Variants in ELP2 observed in about 807,000 individuals in gnomAD.
ELP2 encodes elongator acetyltransferase complex subunit 2.
In ELP2, 90 loss-of-function variants were observed where a neutral mutation model predicts 119.2. That is an observed-to-expected ratio of 0.75 (90% CI 0.64 to 0.90). ELP2 has a LOEUF of 0.90. Ranked by LOEUF, ELP2 falls within the 40% of genes least tolerant of loss-of-function variation. The probability of loss-of-function intolerance (pLI) is 0.00; values close to 1 mark genes in which losing one functional copy is unlikely to be tolerated. For synonymous variants in ELP2, 339 were observed against 331.0 expected (o/e 1.02, Z -0.26); for missense variants, 921 against 967.8 (o/e 0.95, Z 0.64).
intron 16 of ELP2, among the ~76,000 whole-genome samples, chr18:36,160,501 C>T (rs1446491972): frequency 2.0e-5 from 3 of 151,302 alleles, no homozygotes; most frequent in Admixed American, 1.3e-4. Context: ...TTGCTTCTGC[C>T]CAGGAATTGG....
chr18:36,129,955 A>T lies in ELP2; in HGVS notation c.22A>T (p.Thr8Ser). The stretch of plus-strand genomic sequence containing the variant: ...CGACATGGTGGCACCCGTGCTGGAG[A>T]CTTCTCACGTGTTTTGCTGCCCAAA... MVAPVLETSHVFCCPNRV... is the reference protein window; with the variant it reads MVAPVLESSHVFCCPNRV... Residue 8 changes from threonine to serine, a missense_variant, in exon 1 of 22, where the codon ACT becomes TCT. Coordinates refer to ENST00000358232, the MANE Select transcript of ELP2 (RefSeq NM_018255.4). 1 of 1,614,026 alleles carries T rather than the reference A, an allele frequency of 6.2e-7. No individual in the cohort carries two copies. The highest frequency in any genetic ancestry group is 8.5e-7 in the Non-Finnish European group (1 of 1,179,986).
chr18:36,130,523 C>T (rs537501140), intron 1 of ELP2, among the ~76,000 whole-genome samples: 8 of 152,180 alleles, frequency 5.3e-5, no homozygotes, highest in Non-Finnish European at 8.8e-5. Context: ...GAAATGTTAC[C>T]TGTGTTTTAG....
At chr18:36,155,048 C>T (rs1443682383) in intron 12 of ELP2, 49 bp downstream of exon 12, 2 of 1,513,442 alleles carry the variant, frequency 1.3e-6, no homozygotes, top group Non-Finnish European at 1.8e-6. Flanking sequence ...CAGAGTTTCA[C>T]ATCACCCAGG....
intron 10 of ELP2, 52 bp from the exon 11 acceptor site, chr18:36,146,198 T>G (rs2090193673): frequency 6.2e-7 from 1 of 1,611,376 alleles, no homozygotes; most frequent in South Asian, 1.1e-5. Context: ...ATTTCTGTTG[T>G]GAGAAACATA....
At chr18:36,138,163 G>C in intron 3 of ELP2, 107 bp from the exon 4 acceptor site, 1 of 1,124,538 alleles carries the variant, frequency 8.9e-7, no homozygotes. Flanking sequence ...TTTCAACTTA[G>C]AGGACCTATT....
At chr18:36,141,250 ATC>A (rs2090017453) in intron 6 of ELP2, 49 bp downstream of exon 6, 1 of 1,375,760 alleles carries the variant, frequency 7.3e-7, no homozygotes, top group East Asian at 2.3e-5. Context: ...GCTTAGTTAT[ATC>A]TCAATACAGA....
rs2091102052 is a variant in ELP2, at chr18:36,172,217, T to G, written c.2324+1057T>G. On this transcript the variant is annotated intron_variant, in intron 21 of 21. Coordinates refer to ENST00000358232, the MANE Select transcript of ELP2 (RefSeq NM_018255.4). The stretch of plus-strand genomic sequence containing the variant: ...AGGAGGTTGAGGCTGCAGCAAGCCA[T>G]AATCACACCATTGCACTCCAGCCTG... Among the ~76,000 whole-genome samples, 3 of 152,096 alleles carry G rather than the reference T, an allele frequency of 2.0e-5. No individual in the cohort carries two copies. In the South Asian group the frequency reaches 6.2e-4, roughly 32 times the overall value.
In ELP2 at chr18:36,160,887, A is replaced by C. The variant is rs374909261; in HGVS notation, c.1689-45A>C. 6 of 1,291,382 alleles carry C rather than the reference A, an allele frequency of 4.6e-6. No individual in the cohort carries two copies. The African/African-American group carries it at 7.3e-5, about 16-fold the overall frequency. The allele number at this position is 1,291,382 out of a possible 1,614,324, so 80.0% of individuals were successfully genotyped here. A position where few individuals can be genotyped will look rare whatever the true frequency, so the allele number is the denominator to read the frequency against. On this transcript the variant is annotated intron_variant, in intron 16 of 21. Coordinates refer to ENST00000358232, the MANE Select transcript of ELP2 (RefSeq NM_018255.4). ...CTTTCAAAAATTGTGTGGCATGAGA[A>C]TAGATTCATTTGCTAATAGTACTTT...
chr18:36,155,405 T>C (rs1226087563), intron 12 of ELP2, among the ~76,000 whole-genome samples: 2 of 151,884 alleles, frequency 1.3e-5, no homozygotes, highest in Non-Finnish European at 2.9e-5. Flanking sequence ...ATTAGGAAAA[T>C]GCAAATTAGA....
Position 36,167,103 on chromosome 18 carries a change from C to T in ELP2, c.1957C>T (p.Pro653Ser), listed in dbSNP as rs2090930844. 6.3e-7 allele frequency: 1 copy of T among 1,596,040 alleles called. No homozygotes were observed. Among genetic ancestry groups the T allele is most frequent in the African/African-American group, 1.3e-5 (1 of 74,392 alleles). ...KQDTISPEFEPVFSLFAFTNK... is the reference protein window; with the variant it reads ...KQDTISPEFESVFSLFAFTNK... ...TAGTGTATACATATTTCTTTCAGAG[C>T]CAGTTTTTAGTCTTTTTGCCTTCAC... Residue 653 changes from proline to serine, a missense_variant and splice_region_variant, in exon 19 of 22, where the codon CCA becomes TCA. Transcript: ENST00000358232.
intron 11 of ELP2, among the ~76,000 whole-genome samples, chr18:36,147,081 G>GT (rs61330040): frequency 0.022 from 2,735 of 123,182 alleles, 57 homozygotes; most frequent in Admixed American, 0.076. Context: ...AACATGGGTA[G>GT]TTTTTTTTTT....
chr18:36,170,299 T>G, intron 20 of ELP2, 103 bp downstream of exon 20: 2 of 1,419,388 alleles, frequency 1.4e-6, no homozygotes, highest in South Asian at 2.5e-5. Context: ...TCTGAGTTAC[T>G]GTCTTTTTTT....
chr18:36,155,949 G>A (rs985273406), intron 12 of ELP2, among the ~76,000 whole-genome samples: 10 of 152,328 alleles, frequency 6.6e-5, no homozygotes, highest in Non-Finnish European at 1.2e-4. Context: ...CCATCTAGCT[G>A]TAGGGTAGGG....
In ELP2 at chr18:36,179,598, A is replaced by T. The variant is rs2091292768; in HGVS notation, c.*4957A>T. 6.6e-6 allele frequency: 1 copy of T among 152,244 alleles called. No homozygotes were observed. The highest frequency in any genetic ancestry group is 6.5e-5 in the Admixed American group (1 of 15,274). The allele number at this position is 152,244 out of a possible 1,614,324, so 9.4% of individuals were successfully genotyped here. A position where few individuals can be genotyped will look rare whatever the true frequency, so the allele number is the denominator to read the frequency against. On this transcript the variant is annotated 3_prime_UTR_variant, in exon 22 of 22. Transcript: ENST00000358232. The stretch of plus-strand genomic sequence containing the variant: ...CTGGGGTGGAAGGGACAGCTCCACA[A>T]AGGCTGCTCTTGCAGGGGCTCTCCT...
intron 5 of ELP2, among the ~76,000 whole-genome samples, chr18:36,140,202 G>A (rs180804786): frequency 6.6e-6 from 1 of 152,266 alleles, no homozygotes; most frequent in East Asian, 1.9e-4. Flanking sequence ...GTCTCATTCT[G>A]TTGCCCAGGC....
At position 36,179,307 on chromosome 18, in the gene ELP2, CA is replaced by C. The variant is rs56758248; in HGVS notation, c.*4682del. On this transcript the variant is annotated 3_prime_UTR_variant, in exon 22 of 22. Transcript: ENST00000358232. ...TGAAACCCCATCTCTACTAAAAATACAAAAAAAAAAAAAAAATTAGTCGGGC... is the reference window on the plus strand; with the variant it reads ...TGAAACCCCATCTCTACTAAAAATACAAAAAAAAAAAAAAATTAGTCGGGC... 812 of 108,724 alleles carry C rather than the reference CA, an allele frequency of 7.5e-3. 11 individuals carry two copies. The highest frequency in any genetic ancestry group is 0.021 in the African/African-American group (583 of 27,964). The allele number at this position is 108,724 out of a possible 1,614,324, so 6.7% of individuals were successfully genotyped here.
rs1408283455 is a variant in ELP2 at position 36,133,328 on chromosome 18, C to G, written c.217+12C>G. 1 of 1,592,374 alleles carries G rather than the reference C, an allele frequency of 6.3e-7. No individual in the cohort carries two copies. Among genetic ancestry groups the G allele is most frequent in the Non-Finnish European group, 8.6e-7 (1 of 1,160,284 alleles). On this transcript the variant is annotated intron_variant, in intron 2 of 21. Transcript: ENST00000358232. ...TAAACAGGATGGCTGTAAGTATTAA[C>G]CAGATTTTAAAGTTGATCTCAATTG...
chr18:36,140,524 T>G (rs2089983722), intron 5 of ELP2, among the ~76,000 whole-genome samples: 1 of 152,046 alleles, frequency 6.6e-6, no homozygotes, highest in Admixed American at 6.5e-5. Flanking sequence ...TTTTTGTATT[T>G]TTAGTAGAGA....
At chr18:36,135,967 T>C (rs1191736990) in intron 2 of ELP2, among the ~76,000 whole-genome samples, 1 of 152,262 alleles carries the variant, frequency 6.6e-6, no homozygotes, top group Non-Finnish European at 1.5e-5. Flanking sequence ...TAATATGGAC[T>C]GTATATTATA....
Sources: gnomAD v4.1 joint callset for allele counts (sites outside exome capture counted in the v4.1 genomes callset) on GRCh38, gnomAD v4.1.1 for gene constraint, MANE v1.5 for transcripts, NCBI Gene and HGNC (gene_info 2026-07-23, HGNC 2026-07-21) for gene names.